AGBL1: variants seen among roughly 807,000 people sequenced by gnomAD.
AGBL1 encodes cytosolic carboxypeptidase 4.
AGBL1 carries 130 observed loss-of-function variants against 118.9 expected under a neutral mutation model. The ratio of observed to expected loss-of-function variants is 1.09; its 90% CI spans 0.95 to 1.26. The LOEUF (loss-of-function observed/expected upper bound fraction) is 1.26. AGBL1 is among the 50% of genes most tolerant of loss of function. The probability of loss-of-function intolerance (pLI) is 0.00; values close to 1 mark genes in which losing one functional copy is unlikely to be tolerated. For synonymous variants in AGBL1, 555 were observed against 478.9 expected, an observed-to-expected ratio of 1.16 and a Z score of -2.08; for missense variants, 1,584 against 1,298.1, an observed-to-expected ratio of 1.22 and a Z score of -3.38.
chr15:86,702,407 T>C (rs891124547), intron 22 of AGBL1, among the ~76,000 whole-genome samples: 1 of 152,150 alleles, frequency 6.6e-6, no homozygotes, highest in African/African-American at 2.4e-5. Flanking sequence ...CTTCAATAGT[T>C]CTAGATATAT....
At chr15:86,084,044 A>T (rs1262477080) in intron 1 of AGBL1, among the ~76,000 whole-genome samples, 1 of 152,388 alleles carries the variant, frequency 6.6e-6, no homozygotes, top group Admixed American at 6.5e-5. Flanking sequence ...CAACTCAAAC[A>T]TAGAAACAAA....
intron 17 of AGBL1, among the ~76,000 whole-genome samples, chr15:86,371,173 A>G (rs1303598045): frequency 6.6e-6 from 1 of 152,200 alleles, no homozygotes; most frequent in Non-Finnish European, 1.5e-5. Context: ...TGAGGTGTGT[A>G]AGTACCTGCA....
At chr15:86,152,825 CA>C (rs974165344) in intron 3 of AGBL1, among the ~76,000 whole-genome samples, 1 of 152,126 alleles carries the variant, frequency 6.6e-6, no homozygotes, top group Non-Finnish European at 1.5e-5. Context: ...AAGAGAAAAA[CA>C]ACCCCATCAA....
intron 5 of AGBL1, among the ~76,000 whole-genome samples, chr15:86,211,641 C>T (rs369693120): frequency 3.3e-5 from 5 of 152,310 alleles, no homozygotes; most frequent in South Asian, 2.1e-4. Flanking sequence ...TGGGACTTGC[C>T]GAGCCAGGCA....
At chr15:86,314,206 C>A (rs2079963048) in intron 17 of AGBL1, among the ~76,000 whole-genome samples, 2 of 152,200 alleles carry the variant, frequency 1.3e-5, no homozygotes, top group Admixed American at 1.3e-4. Flanking sequence ...AGGAGCTATT[C>A]ATGGAAATGG....
At chr15:86,753,397 C>CTTTTTTTTTTTTTTTT (rs1555446759) in intron 22 of AGBL1, among the ~76,000 whole-genome samples, 1 of 111,298 alleles carries the variant, frequency 9.0e-6, no homozygotes, top group Non-Finnish European at 1.9e-5. Flanking sequence ...TTTTCTTTTT[C>CTTTTTTTTTTTTTTTT]TTTTTTTTTT....
chr15:86,286,828 T>C (rs1456573709), intron 16 of AGBL1, among the ~76,000 whole-genome samples: 2 of 151,278 alleles, frequency 1.3e-5, no homozygotes, highest in African/African-American at 2.4e-5. Flanking sequence ...TAGGGGTGTA[T>C]ACAGATATCT....
At chr15:86,866,418 T>C (rs962460358) in intron 22 of AGBL1, among the ~76,000 whole-genome samples, 2 of 152,214 alleles carry the variant, frequency 1.3e-5, no homozygotes, top group African/African-American at 4.8e-5. Flanking sequence ...CTTGTTTCTG[T>C]GACAAAACCA....
At chr15:86,923,338 C>T (rs1196226247) in intron 23 of AGBL1, among the ~76,000 whole-genome samples, 1 of 152,148 alleles carries the variant, frequency 6.6e-6, no homozygotes, top group East Asian at 1.9e-4. Flanking sequence ...CCTGCCTTGC[C>T]GGGCTTGTCT....
intron 1 of AGBL1, among the ~76,000 whole-genome samples, chr15:86,096,540 T>A (rs762597686): frequency 3.9e-5 from 6 of 152,188 alleles, no homozygotes; most frequent in Admixed American, 1.3e-4. Context: ...GTTCCATGAT[T>A]CACTACTTGT....
chr15:86,164,016 G>A (rs548356287), intron 5 of AGBL1, among the ~76,000 whole-genome samples: 11 of 152,356 alleles, frequency 7.2e-5, no homozygotes, highest in African/African-American at 2.2e-4. Flanking sequence ...CATTCTGAGA[G>A]ACTGCGAAGC....
intron 23 of AGBL1, among the ~76,000 whole-genome samples, chr15:86,977,713 C>T (rs994737554): frequency 4.0e-5 from 6 of 151,834 alleles, no homozygotes; most frequent in African/African-American, 1.4e-4. Context: ...CTTAAGTCTA[C>T]TAGATTTCAT....
intron 22 of AGBL1, among the ~76,000 whole-genome samples, chr15:86,700,518 C>T (rs1360757066): frequency 6.7e-6 from 1 of 150,068 alleles, no homozygotes; most frequent in African/African-American, 2.5e-5. Flanking sequence ...CACAAAATCT[C>T]TCTTGAAGTG....
At chr15:86,840,082 G>A (rs1464341648) in intron 22 of AGBL1, among the ~76,000 whole-genome samples, 1 of 152,130 alleles carries the variant, frequency 6.6e-6, no homozygotes, top group Non-Finnish European at 1.5e-5. Flanking sequence ...AAAATTTGAG[G>A]TATGCACAGT....
At chr15:86,562,484 G>A (rs1278422972) in intron 21 of AGBL1, among the ~76,000 whole-genome samples, 1 of 152,204 alleles carries the variant, frequency 6.6e-6, no homozygotes, top group Non-Finnish European at 1.5e-5. Flanking sequence ...TGCATCCCAG[G>A]GATGAAGCCC....
intron 18 of AGBL1, among the ~76,000 whole-genome samples, chr15:86,497,344 C>T (rs766432245): frequency 4.6e-5 from 7 of 151,930 alleles, no homozygotes; most frequent in Non-Finnish European, 1.0e-4. Flanking sequence ...ATACTGTATC[C>T]AGTTCCAAAA....
intron 21 of AGBL1, among the ~76,000 whole-genome samples, chr15:86,649,840 T>C (rs1251455030): frequency 1.3e-5 from 2 of 152,164 alleles, no homozygotes; most frequent in African/African-American, 2.4e-5. Flanking sequence ...CATTAATTTT[T>C]ATTTTTACTT....
intron 1 of AGBL1, among the ~76,000 whole-genome samples, chr15:86,138,630 T>G (rs187934209): frequency 6.6e-6 from 1 of 152,356 alleles, no homozygotes; most frequent in Non-Finnish European, 1.5e-5. Context: ...CTGGACCTTT[T>G]ATTCCCCTTT....
At chr15:86,752,602 AC>A in intron 22 of AGBL1, among the ~76,000 whole-genome samples, 1 of 151,916 alleles carries the variant, frequency 6.6e-6, no homozygotes, top group Non-Finnish European at 1.5e-5. Context: ...TCCAGGCTCT[AC>A]CCCATTGCCA....
Sources: gnomAD v4.1 joint callset for allele counts (sites outside exome capture counted in the v4.1 genomes callset) on GRCh38, gnomAD v4.1.1 for gene constraint, MANE v1.5 for transcripts, NCBI Gene and HGNC (gene_info 2026-07-23, HGNC 2026-07-21) for gene names.